The following PCLO variants were observed in gnomAD, a reference collection of about 807,000 sequenced individuals.
The protein encoded by PCLO is protein piccolo.
PCLO carries 82 observed loss-of-function variants against 427.5 expected under a neutral mutation model. The ratio of observed to expected loss-of-function variants is 0.19; its 90% confidence interval spans 0.16 to 0.23. The LOEUF (loss-of-function observed/expected upper bound fraction) is 0.23. PCLO is among the 10% of genes least tolerant of loss of function. PCLO has a pLI of 1.00. For missense variants in PCLO, 6,239 were observed against 6,115.9 expected (o/e 1.02, Z -0.67); for synonymous variants, 2,357 against 2,155.4 (o/e 1.09, Z -2.59).
chr7:83,050,227 A>AAAAAAAAAAAAAC (rs71074611), intron 3 of PCLO, among the ~76,000 whole-genome samples: 7 of 85,646 alleles, frequency 8.2e-5, no homozygotes, highest in Non-Finnish European at 1.9e-4. Context: ...AAAAAAAAAA[A>AAAAAAAAAAAAAC]AAAAAAAAAA....
intron 3 of PCLO, among the ~76,000 whole-genome samples, chr7:83,132,325 C>T (rs943315117): frequency 5.9e-5 from 9 of 152,058 alleles, no homozygotes; most frequent in South Asian, 2.1e-4. Flanking sequence ...TTATCTAATA[C>T]GATCACTCAC....
chr7:83,040,798 G>A (rs1469444524), intron 3 of PCLO, among the ~76,000 whole-genome samples: 3 of 151,970 alleles, frequency 2.0e-5, no homozygotes. Flanking sequence ...TTTCTCCCCC[G>A]CAGGCAAAAT....
chr7:82,901,733 AAAAC>A (rs1371625316), intron 9 of PCLO, among the ~76,000 whole-genome samples: 11 of 152,150 alleles, frequency 7.2e-5, no homozygotes, highest in Admixed American at 2.0e-4. Context: ...TTACAAGCAA[AAAAC>A]AAACAACCCC....
At chr7:82,939,660 T>G (rs61292456) in intron 6 of PCLO, among the ~76,000 whole-genome samples, 70,138 of 146,232 alleles carry the variant, frequency 0.48, 17,138 homozygotes, top group East Asian at 0.65. Context: ...TATATATATA[T>G]AGAGAGAGAG....
chr7:83,133,057 A>G (rs1464978696), intron 3 of PCLO, among the ~76,000 whole-genome samples: 1 of 152,060 alleles, frequency 6.6e-6, no homozygotes, highest in Admixed American at 6.5e-5. Context: ...TAAAGAGGAA[A>G]AAAAATCTGC....
intron 3 of PCLO, among the ~76,000 whole-genome samples, chr7:83,106,129 T>C (rs918283399): frequency 2.6e-5 from 4 of 152,196 alleles, no homozygotes; most frequent in African/African-American, 9.6e-5. Context: ...CTCACTGCTG[T>C]GGCTGAATTC....
Position 83,016,621 on chromosome 7 carries a change from C to T in PCLO, c.3301-50134G>A, listed in dbSNP as rs1052674615. Reference sequence around the variant, plus strand: ...TCAGAAATAGGTCTACTATAGAGAGCCCTGTATGCTAGGCTCATGAATATA... The same window carrying T: ...TCAGAAATAGGTCTACTATAGAGAGTCCTGTATGCTAGGCTCATGAATATA... On this transcript the variant is annotated intron_variant, in intron 3 of 24. Transcript: ENST00000333891. Among the ~76,000 whole-genome samples, 24 of 152,008 alleles carry T rather than the reference C, an allele frequency of 1.6e-4. 1 individual carries two copies. The highest frequency in any genetic ancestry group is 5.3e-4 in the African/African-American group (22 of 41,404).
chr7:83,140,577 A>G (rs1320647736), intron 2 of PCLO, among the ~76,000 whole-genome samples: 1 of 152,180 alleles, frequency 6.6e-6, no homozygotes, highest in Admixed American at 6.5e-5. Flanking sequence ...TTTTTGAACT[A>G]GTTTGAATTA....
At chr7:83,096,226 G>A (rs1226069728) in intron 3 of PCLO, among the ~76,000 whole-genome samples, 5 of 151,750 alleles carry the variant, frequency 3.3e-5, no homozygotes, top group Admixed American at 2.0e-4. Context: ...TTCCATTTCT[G>A]CTGATGATTA....
chr7:83,052,308 G>T (rs1220274409), intron 3 of PCLO, among the ~76,000 whole-genome samples: 4 of 151,284 alleles, frequency 2.6e-5, no homozygotes, highest in African/African-American at 9.7e-5. Flanking sequence ...CAATATTTCT[G>T]TAAATATAAA....
intron 20 of PCLO, among the ~76,000 whole-genome samples, chr7:82,814,339 G>T (rs1791633380): frequency 6.6e-6 from 1 of 151,492 alleles, no homozygotes; most frequent in Non-Finnish European, 1.5e-5. Context: ...CAGAAAATTT[G>T]GAGACAAACA....
At chr7:83,074,524 A>C (rs1789902730) in intron 3 of PCLO, among the ~76,000 whole-genome samples, 1 of 152,064 alleles carries the variant, frequency 6.6e-6, no homozygotes, top group African/African-American at 2.4e-5. Flanking sequence ...GTCAAAGAAC[A>C]GTGTCTACTG....
chr7:82,950,690 G>T lies in PCLO; in HGVS notation c.9898C>A (p.Gln3300Lys). ...QLQLEQIQQL[Q>K]QQLHQQLEEQ... ...TCCAGCTGCTGGTGAAGCTGTTGTT[G>T]CAGCTGTTGGATCTGCTCAAGCTGT... The change falls in exon 6 of 25, where the codon CAA becomes AAA. Residue 3300 changes from glutamine (Q) to lysine (K), a missense_variant. By Grantham distance (53) the Gln-to-Lys change is moderately conservative. Transcript: ENST00000333891. The T allele has an allele frequency of 6.2e-7, 1 of 1,613,772 alleles. No individual in the cohort carries two copies. Among genetic ancestry groups the T allele is most frequent in the Non-Finnish European group, 8.5e-7 (1 of 1,179,772 alleles).
At chr7:82,921,115 AATT>A (rs1182654041) in intron 6 of PCLO, among the ~76,000 whole-genome samples, 2 of 151,848 alleles carry the variant, frequency 1.3e-5, no homozygotes, top group Admixed American at 1.3e-4. Flanking sequence ...ATTTTTGGGA[AATT>A]ATTGTTTGAA....
chr7:82,876,217 C>T (rs892452900), intron 10 of PCLO, among the ~76,000 whole-genome samples: 17 of 151,964 alleles, frequency 1.1e-4, no homozygotes, highest in Admixed American at 2.6e-4. Flanking sequence ...ATGTTCAACA[C>T]CCTTATTGCC....
At chr7:83,108,371 C>A (rs1007952631) in intron 3 of PCLO, among the ~76,000 whole-genome samples, 1 of 152,114 alleles carries the variant, frequency 6.6e-6, no homozygotes, top group Non-Finnish European at 1.5e-5. Flanking sequence ...TACCTACTTA[C>A]TTATCTATCT....
At position 83,073,980 on chromosome 7, in the gene PCLO, G is replaced by T. The variant is rs1789885009; in HGVS notation, c.3300+60270C>A. Among the ~76,000 whole-genome samples, 3 of 151,368 alleles carry T rather than the reference G, an allele frequency of 2.0e-5. No individual in the cohort carries two copies. The South Asian group carries it at 6.2e-4, about 31-fold the overall frequency. The stretch of plus-strand genomic sequence containing the variant: ...AATTAAATCTCAATACCATTTGGGG[G>T]GTACTAAATATAGAAAATTAATTCA... On this transcript the variant is annotated intron_variant, in intron 3 of 24. Coordinates refer to ENST00000333891, the MANE Select transcript of PCLO (RefSeq NM_033026.6).
At position 82,953,900 on chromosome 7, in the gene PCLO, T is replaced by C; in HGVS notation, c.7053A>G (p.Pro2351=). The C allele has an allele frequency of 6.2e-7, 1 of 1,613,958 alleles. No individual in the cohort carries two copies. Among genetic ancestry groups the C allele is most frequent in the Non-Finnish European group, 8.5e-7 (1 of 1,179,858 alleles). ...DHPPSSVIAL[P]MKEQLSTTYF... is the part of the protein sequence containing the mutation. The stretch of plus-strand genomic sequence containing the variant: ...ATGTAGTTGAAAGCTGCTCTTTCAT[T>C]GGAAGGGCTATTACAGAAGAAGGTG... The change falls in exon 5 of 25, where the codon CCA becomes CCG. Residue 2351 remains proline (P), a synonymous_variant. Transcript: ENST00000333891.
chr7:82,774,224 G>A (rs761047443), intron 22 of PCLO, among the ~76,000 whole-genome samples: 12 of 152,144 alleles, frequency 7.9e-5, no homozygotes, highest in Non-Finnish European at 1.6e-4. Flanking sequence ...CCTTATGTAA[G>A]AGCCACTATT....
Sources: gnomAD v4.1 joint callset for allele counts (sites outside exome capture counted in the v4.1 genomes callset) on GRCh38, gnomAD v4.1.1 for gene constraint, MANE v1.5 for transcripts, NCBI Gene and HGNC (gene_info 2026-07-23, HGNC 2026-07-21) for gene names.